The following OR14A2 variants were observed in gnomAD, a reference collection of about 807,000 sequenced individuals.
The protein encoded by OR14A2 is olfactory receptor 14A2.
For missense variants in OR14A2, 237 were observed against 152.9 expected, an observed-to-expected ratio of 1.55 and a Z score of -2.90; for synonymous variants, 114 against 58.6, an observed-to-expected ratio of 1.95 and a Z score of -4.32.
the OR14A2 span, among the ~76,000 whole-genome samples, chr1:247,735,337 C>T: frequency 1.3e-5 from 2 of 152,196 alleles, no homozygotes; most frequent in African/African-American, 4.8e-5. Context: ...GATTATTACA[C>T]TCAATTTAAA....
chr1:247,744,179 T>G, the OR14A2 span, among the ~76,000 whole-genome samples: 1,300 of 152,326 alleles, frequency 8.5e-3, 21 homozygotes, highest in African/African-American at 0.03. This position sits in a 1 kb window ranked among gnomAD's most constrained non-coding sequence, Gnocchi z 4.3. Flanking sequence ...TGTAATATAT[T>G]GATATCCACA....
At chr1:247,745,636 C>G in the OR14A2 span, among the ~76,000 whole-genome samples, 2 of 151,534 alleles carry the variant, frequency 1.3e-5, no homozygotes, top group Non-Finnish European at 2.9e-5. Context: ...CCTACAGGAC[C>G]TAAATTTTCT....
the OR14A2 span, among the ~76,000 whole-genome samples, chr1:247,741,973 C>A: frequency 6.2e-4 from 94 of 152,268 alleles, no homozygotes; most frequent in Non-Finnish European, 9.9e-4. Flanking sequence ...TTTACCTTTA[C>A]AGTGATGATA....
upstream of OR14A2, among the ~76,000 whole-genome samples, chr1:247,727,544 C>G (rs1246000284): frequency 6.6e-6 from 1 of 151,484 alleles, no homozygotes. Context: ...AATTCAAAAG[C>G]TAGCAGAAGG....
chr1:247,727,095 T>C (rs1660391520), upstream of OR14A2, among the ~76,000 whole-genome samples: 1 of 150,908 alleles, frequency 6.6e-6, no homozygotes, highest in African/African-American at 2.5e-5. Context: ...TTGATGGGGA[T>C]GGCATTGAAT....
chr1:247,730,616 A>G, the OR14A2 span, among the ~76,000 whole-genome samples: 2 of 151,960 alleles, frequency 1.3e-5, no homozygotes, highest in African/African-American at 2.4e-5. Context: ...ACTTTTTCTA[A>G]CTCTACTTAT....
At chr1:247,746,506 C>G in the OR14A2 span, 1 of 152,164 alleles carries the variant, frequency 6.6e-6, no homozygotes, top group Non-Finnish European at 1.5e-5. Flanking sequence ...TCCTGGGATA[C>G]AGCTGAGTAA....
At chr1:247,734,133 G>GA in the OR14A2 span, among the ~76,000 whole-genome samples, 1 of 152,150 alleles carries the variant, frequency 6.6e-6, no homozygotes, top group Non-Finnish European at 1.5e-5. Flanking sequence ...ATCCTTTAAA[G>GA]AGCTTATTAA....
upstream of OR14A2, chr1:247,724,135 G>A: frequency 1.7e-6 from 1 of 583,812 alleles, no homozygotes; most frequent in East Asian, 2.8e-5. Context: ...ATACAGACTA[G>A]CAAGAGTCAT....
chr1:247,731,713 C>CTA, the OR14A2 span, among the ~76,000 whole-genome samples: 1 of 151,864 alleles, frequency 6.6e-6, no homozygotes. Flanking sequence ...TAAAGTGTTT[C>CTA]TATTTCTTTG....
chr1:247,747,035 C>G, the OR14A2 span: 2 of 152,096 alleles, frequency 1.3e-5, no homozygotes, highest in Non-Finnish European at 2.9e-5. Flanking sequence ...AGAGGCTTAC[C>G]AAAATACAAG....
At chr1:247,724,835 A>G (rs572064422), upstream of OR14A2, among the ~76,000 whole-genome samples, 83 of 152,116 alleles carry the variant, frequency 5.5e-4, no homozygotes, top group African/African-American at 1.9e-3. Context: ...TAACTGAATA[A>G]TTTTTCTTGA....
At chr1:247,740,395 G>T in the OR14A2 span, among the ~76,000 whole-genome samples, 1 of 152,016 alleles carries the variant, frequency 6.6e-6, no homozygotes, top group Non-Finnish European at 1.5e-5. Context: ...CAATTTTATT[G>T]CATTTTACCT....
At chr1:247,728,602 G>T (rs1660444815), upstream of OR14A2, among the ~76,000 whole-genome samples, 1 of 152,106 alleles carries the variant, frequency 6.6e-6, no homozygotes, top group East Asian at 1.9e-4. Context: ...GGAAATAAAG[G>T]GTATTCAATT....
chr1:247,733,501 C>A, the OR14A2 span, among the ~76,000 whole-genome samples: 1 of 152,126 alleles, frequency 6.6e-6, no homozygotes, highest in Non-Finnish European at 1.5e-5. Context: ...ATGCTATCTG[C>A]TCATTCTACT....
chr1:247,746,074 A>G, the OR14A2 span: 1 of 152,196 alleles, frequency 6.6e-6, no homozygotes, highest in Non-Finnish European at 1.5e-5. Context: ...TGTGTACATG[A>G]TCATCTCTGC....
At chr1:247,726,277 G>A (rs1660353847), upstream of OR14A2, among the ~76,000 whole-genome samples, 1 of 125,518 alleles carries the variant, frequency 8.0e-6, no homozygotes, top group Middle Eastern at 3.8e-3. Flanking sequence ...TTTCTCTGAT[G>A]GCCAGTGATG....
At chr1:247,741,475 G>A in the OR14A2 span, among the ~76,000 whole-genome samples, 1 of 152,256 alleles carries the variant, frequency 6.6e-6, no homozygotes, top group East Asian at 1.9e-4. Context: ...TCAACTTTGA[G>A]TTGAATCCCT....
At chr1:247,739,399 C>G in the OR14A2 span, 1 of 780,758 alleles carries the variant, frequency 1.3e-6, no homozygotes, top group Non-Finnish European at 2.4e-6. Context: ...AAGCCAGGGT[C>G]TGATGCACCT....
Sources: allele counts gnomAD v4.1 joint callset (sites outside exome capture counted in the v4.1 genomes callset), GRCh38; gene constraint gnomAD v4.1.1; non-coding constraint Gnocchi (gnomAD v3.1); transcripts MANE v1.5; gene names NCBI Gene and HGNC (gene_info 2026-07-23, HGNC 2026-07-21).